The following PDZD2 variants were observed in gnomAD, a reference collection of about 807,000 sequenced individuals.
PDZD2 encodes the protein PDZ domain containing 2, also known as PDZ domain-containing protein 2.
A neutral mutation model predicts 220.7 loss-of-function variants in PDZD2; 90 were observed. That is an observed-to-expected ratio of 0.41 (90% CI 0.34 to 0.49). The LOEUF is 0.49. Among genes scored for constraint, PDZD2 ranks in the 20% least tolerant of loss-of-function variants. The pLI, the probability that PDZD2 is intolerant of heterozygous loss-of-function variation, is 0.28. For missense variants in PDZD2, 3,174 were observed against 3,608.5 expected (o/e 0.88, Z 3.08); for synonymous variants, 1,375 against 1,450.5 (o/e 0.95, Z 1.18).
chr5:31,865,879 C>T (rs1170393106), intron 2 of PDZD2, among the ~76,000 whole-genome samples: 1 of 151,450 alleles, frequency 6.6e-6, no homozygotes, highest in Non-Finnish European at 1.5e-5. Context: ...GATCTGCCCG[C>T]CTCGCCCTCC....
chr5:31,703,170 C>T (rs575348622), intron 1 of PDZD2, among the ~76,000 whole-genome samples: 22 of 152,290 alleles, frequency 1.4e-4, no homozygotes, highest in African/African-American at 5.1e-4. Flanking sequence ...TTGTAAAGAG[C>T]GGCCATTAGA....
chr5:31,973,265 T>C (rs188079156), intron 2 of PDZD2, among the ~76,000 whole-genome samples: 3 of 152,354 alleles, frequency 2.0e-5, no homozygotes, highest in Admixed American at 2.0e-4. Flanking sequence ...TGCATCATAT[T>C]GGTGGAGTTA....
chr5:32,043,450 G>A (rs763733522), intron 7 of PDZD2, among the ~76,000 whole-genome samples: 1 of 152,172 alleles, frequency 6.6e-6, no homozygotes, highest in African/African-American at 2.4e-5. Context: ...TTCTTTATCC[G>A]TAAAATGAGG....
chr5:31,923,431 C>T (rs1408770050), intron 2 of PDZD2: 3 of 1,180,860 alleles, frequency 2.5e-6, no homozygotes, highest in Non-Finnish European at 3.8e-6. Context: ...GGCCAGTTTG[C>T]CATCCACTTG....
intron 2 of PDZD2, among the ~76,000 whole-genome samples, chr5:31,850,200 ATAAG>A (rs1409840699): frequency 2.3e-5 from 3 of 128,828 alleles, no homozygotes; most frequent in African/African-American, 9.1e-5. Flanking sequence ...ATATGTATAT[ATAAG>A]TATATATGTG....
chr5:31,810,263 A>AC (rs1755015496), intron 2 of PDZD2, among the ~76,000 whole-genome samples: 1 of 132,750 alleles, frequency 7.5e-6, no homozygotes, highest in South Asian at 2.4e-4. Flanking sequence ...TTCTCCAGAG[A>AC]TTTTTTTTTT....
Position 32,064,876 on chromosome 5 carries a change from G to A in PDZD2, c.2451+3742G>A, listed in dbSNP as rs542636147. 3.2e-3 allele frequency among the ~76,000 whole-genome samples: 485 copies of A among 152,254 alleles called. 1 individual carries two copies. The highest frequency in any genetic ancestry group is 6.2e-3 in the African/African-American group (259 of 41,560). ...CCAGGTACTCAGGAGGCTGTGGCACGAGAATCACTTGAACCCAGGAGATGG... is the reference window on the plus strand; with the variant it reads ...CCAGGTACTCAGGAGGCTGTGGCACAAGAATCACTTGAACCCAGGAGATGG... On this transcript the variant is annotated intron_variant, in intron 14 of 24. Transcript: ENST00000438447.
At chr5:31,819,396 C>T (rs1307513646) in intron 2 of PDZD2, among the ~76,000 whole-genome samples, 1 of 152,098 alleles carries the variant, frequency 6.6e-6, no homozygotes, top group Admixed American at 6.5e-5. Flanking sequence ...GTGGCCCACA[C>T]TTGTAATCCC....
intron 2 of PDZD2, among the ~76,000 whole-genome samples, chr5:31,981,177 A>C (rs955168719): frequency 6.6e-6 from 1 of 152,140 alleles, no homozygotes; most frequent in Admixed American, 6.6e-5. Context: ...GTTTTTGTAC[A>C]TGTAAGTTTA....
chr5:32,067,406 T>C (rs1740313137), intron 14 of PDZD2, among the ~76,000 whole-genome samples: 1 of 152,214 alleles, frequency 6.6e-6, no homozygotes, highest in Non-Finnish European at 1.5e-5. Flanking sequence ...CCTGACTCAT[T>C]TATATAAAAT....
intron 3 of PDZD2, among the ~76,000 whole-genome samples, chr5:31,989,423 T>TTTTTTTTTTTTTTTATTTTTATTTA (rs1751014568): frequency 2.2e-5 from 3 of 134,758 alleles, no homozygotes; most frequent in African/African-American, 1.0e-4. Flanking sequence ...TTTCTTTTCT[T>TTTTTTTTTTTTTTTATTTTTATTTA]TTTTTTTTTT....
At chr5:31,841,106 C>T in intron 2 of PDZD2, 1 of 211,872 alleles carries the variant, frequency 4.7e-6, no homozygotes, top group Non-Finnish European at 9.3e-6. Flanking sequence ...TTCAGTAAGG[C>T]ATAAAGAAGA....
At chr5:31,828,377 T>A (rs545656959) in intron 2 of PDZD2, among the ~76,000 whole-genome samples, 2 of 152,256 alleles carry the variant, frequency 1.3e-5, no homozygotes, top group South Asian at 4.1e-4. Flanking sequence ...GCCATCCTAG[T>A]GGGTGTGAAG....
chr5:32,014,706 C>CTTTTTTTCTTTTTTTT (rs1753606447), intron 6 of PDZD2, among the ~76,000 whole-genome samples: 1 of 95,422 alleles, frequency 1.0e-5, no homozygotes, highest in African/African-American at 4.4e-5. Context: ...ATGACAATTT[C>CTTTTTTTCTTTTTTTT]TTTTTTTTTT....
intron 2 of PDZD2, among the ~76,000 whole-genome samples, chr5:31,831,525 G>A (rs1756587257): frequency 6.6e-6 from 1 of 152,100 alleles, no homozygotes; most frequent in African/African-American, 2.4e-5. Flanking sequence ...GAGGCGGGTG[G>A]TTCACAAGGT....
chr5:31,955,683 CTT>C (rs34964306), intron 2 of PDZD2, among the ~76,000 whole-genome samples: 22 of 116,844 alleles, frequency 1.9e-4, no homozygotes, highest in East Asian at 9.9e-4. Flanking sequence ...GGGCTCTGTT[CTT>C]TTTTTTTTTT....
rs564941444 is a variant in PDZD2 at position 32,088,274 on chromosome 5, A to G, written c.4826A>G (p.Asn1609Ser). The change falls in exon 20 of 25, where the codon AAT (asparagine) becomes AGT (serine). Residue 1609 changes from asparagine to serine, a missense_variant. Asn to Ser is a conservative substitution (Grantham distance 46). Transcript: ENST00000438447. This position sits in a 1 kb window ranked among gnomAD's most constrained non-coding sequence, Gnocchi z 4.6. Reference sequence around the variant, plus strand: ...ATTTGTTCCACACGTGGCTGCCCCAATCCACCCTCGAGTCCTGCTCATCTT... The same window carrying G: ...ATTTGTTCCACACGTGGCTGCCCCAGTCCACCCTCGAGTCCTGCTCATCTT... ...IEICSTRGCP[N>S]PPSSPAHLPT... The G allele has an allele frequency of 1.1e-5, 17 of 1,614,012 alleles. 1 individual carries two copies. The highest frequency in any genetic ancestry group is 2.7e-5 in the African/African-American group (2 of 75,012).
At chr5:31,804,892 C>T (rs566032069) in intron 2 of PDZD2, among the ~76,000 whole-genome samples, 1 of 152,294 alleles carries the variant, frequency 6.6e-6, no homozygotes, top group Non-Finnish European at 1.5e-5. Flanking sequence ...CCCCCTGCCT[C>T]ATCTTGTACA....
chr5:32,077,390 T>C, intron 18 of PDZD2, 72 bp from the exon 19 acceptor site: 1 of 1,504,482 alleles, frequency 6.6e-7, no homozygotes, highest in Non-Finnish European at 9.2e-7. Flanking sequence ...CTGCTCTCTA[T>C]ATATGATCTC....
Sources: allele counts gnomAD v4.1 joint callset (sites outside exome capture counted in the v4.1 genomes callset), GRCh38; gene constraint gnomAD v4.1.1; non-coding constraint Gnocchi (gnomAD v3.1); transcripts MANE v1.5; gene names NCBI Gene and HGNC (gene_info 2026-07-23, HGNC 2026-07-21).